The following SEC24B variants were observed in gnomAD, a reference collection of about 807,000 sequenced individuals.
SEC24B encodes the protein protein transport protein Sec24B.
In SEC24B, 45 loss-of-function variants were observed where a neutral mutation model predicts 142.8. That is an observed-to-expected ratio of 0.32 (90% confidence interval 0.25 to 0.40). The LOEUF (loss-of-function observed/expected upper bound fraction) is 0.40. Ranked by LOEUF, SEC24B falls within the 10% of genes least tolerant of loss-of-function variation. The probability of loss-of-function intolerance (pLI) is 1.00; values close to 1 mark genes in which losing one functional copy is unlikely to be tolerated. For missense variants in SEC24B, 1,409 were observed against 1,526.8 expected (o/e 0.92, Z 1.29); for synonymous variants, 574 against 568.2 (o/e 1.01, Z -0.15).
intron 2 of SEC24B, among the ~76,000 whole-genome samples, chr4:109,469,951 A>G (rs1363006998): frequency 1.3e-5 from 2 of 152,258 alleles, no homozygotes; most frequent in African/African-American, 4.8e-5. Flanking sequence ...ACCAACAACC[A>G]AAAGAAAAAT....
At position 109,476,017 on chromosome 4, in the gene SEC24B, C is replaced by T. The variant is rs1199860612; in HGVS notation, c.1060+2831C>T. On this transcript the variant is annotated intron_variant, in intron 3 of 23. Coordinates refer to ENST00000265175, the MANE Select transcript of SEC24B (RefSeq NM_006323.5). The stretch of plus-strand genomic sequence containing the variant: ...TTTTTTTTTTTTTTTGAGACAGACT[C>T]ACTCTGTCACCCAGGCTGGAGTGCA... Among the ~76,000 whole-genome samples the T allele has an allele frequency of 3.4e-5, 5 of 146,638 alleles. No individual in the cohort carries two copies. In the East Asian group the frequency reaches 1.0e-3, roughly 29 times the overall value.
Position 109,531,409 on chromosome 4 carries a change from A to T in SEC24B, c.3277A>T (p.Thr1093Ser). The T allele has an allele frequency of 1.2e-6, 2 of 1,613,492 alleles. No homozygotes were observed. The highest frequency in any genetic ancestry group is 1.7e-6 in the Non-Finnish European group (2 of 1,179,594). Reference sequence around the variant, plus strand: ...GAAAGCATTTAGAACGGGTACAAGCACACGGCTGGATGATCGTGTATATGC... The same window carrying T: ...GAAAGCATTTAGAACGGGTACAAGCTCACGGCTGGATGATCGTGTATATGC... ...KQKAFRTGTS[T>S]RLDDRVYAMC... The change falls in exon 20 of 24, where the codon ACA becomes TCA. Residue 1093 changes from threonine to serine, a missense_variant. Around this residue, in one of 2 missense-constraint regions of SEC24B, gnomAD observed 700 missense variants for 853.3 expected, o/e 0.82. Coordinates refer to ENST00000265175, the MANE Select transcript of SEC24B (RefSeq NM_006323.5).
chr4:109,511,444 T>A (rs1165171946), intron 8 of SEC24B, among the ~76,000 whole-genome samples: 1 of 152,332 alleles, frequency 6.6e-6, no homozygotes, highest in East Asian at 1.9e-4. Context: ...TAATATGTGA[T>A]CTCTTAATCT....
intron 20 of SEC24B, among the ~76,000 whole-genome samples, chr4:109,532,343 G>A (rs1186417692): frequency 6.6e-6 from 1 of 151,622 alleles, no homozygotes; most frequent in Non-Finnish European, 1.5e-5. Flanking sequence ...AAAAAAAAAA[G>A]CTGGCTATGC....
chr4:109,468,437 A>G (rs899695564), intron 2 of SEC24B, among the ~76,000 whole-genome samples: 1 of 152,214 alleles, frequency 6.6e-6, no homozygotes, highest in Admixed American at 6.5e-5. Flanking sequence ...TCTCCAGAGT[A>G]TCAGCCTCAA....
intron 1 of SEC24B, among the ~76,000 whole-genome samples, chr4:109,460,693 A>T (rs1220673086): frequency 2.6e-5 from 4 of 151,910 alleles, no homozygotes; most frequent in African/African-American, 9.7e-5. Flanking sequence ...AATACTATTT[A>T]CTTTAGAGGA....
In SEC24B at chr4:109,483,003, C is replaced by CACACACACACACACATACACACACACAT. The variant is rs1408633373; in HGVS notation, c.1165+1223_1165+1224insCACACACACACACATACACACACACATA. ...ATACACACACACACACACACACACA[C>CACACACACACACACATACACACACACAT]ATATTATACATATGTTTTTTATATA... On this transcript the variant is annotated intron_variant, in intron 4 of 23. Transcript: ENST00000265175. 7.9e-4 allele frequency among the ~76,000 whole-genome samples: 66 copies of CACACACACACACACATACACACACACAT among 84,020 alleles called. 2 individuals carry two copies. Among genetic ancestry groups the CACACACACACACACATACACACACACAT allele is most frequent in the South Asian group, 1.4e-3 (4 of 2,902 alleles). 55.1% of individuals were successfully genotyped at this position (84,020 alleles called of 152,430 possible).
chr4:109,532,347 G>C (rs546094915), intron 20 of SEC24B, among the ~76,000 whole-genome samples: 1 of 152,110 alleles, frequency 6.6e-6, no homozygotes, highest in African/African-American at 2.4e-5. Context: ...AAAAAAGCTG[G>C]CTATGCAACA....
At chr4:109,489,450 G>A (rs1019346963) in intron 4 of SEC24B, among the ~76,000 whole-genome samples, 1 of 151,446 alleles carries the variant, frequency 6.6e-6, no homozygotes, top group Non-Finnish European at 1.5e-5. Context: ...GTGGCATTTA[G>A]TACATGTACA....
At chr4:109,499,131 C>G (rs1244842100) in intron 6 of SEC24B, among the ~76,000 whole-genome samples, 1 of 152,128 alleles carries the variant, frequency 6.6e-6, no homozygotes. Flanking sequence ...GTCTGTCCTT[C>G]CAGGTTTCTT....
At chr4:109,452,835 TTTTAA>T (rs1369137927) in intron 1 of SEC24B, among the ~76,000 whole-genome samples, 5 of 152,256 alleles carry the variant, frequency 3.3e-5, no homozygotes, top group Non-Finnish European at 7.3e-5. Flanking sequence ...TGTGTTATTC[TTTTAA>T]TTTTCCTGAA....
chr4:109,504,201 A>G (rs1048794704), intron 6 of SEC24B, among the ~76,000 whole-genome samples: 87 of 152,342 alleles, frequency 5.7e-4, no homozygotes, highest in African/African-American at 1.9e-3. Flanking sequence ...GGTGGACAGC[A>G]TTTCTTACAT....
chr4:109,448,933 C>CTT (rs1196198243), intron 1 of SEC24B, among the ~76,000 whole-genome samples: 21 of 140,024 alleles, frequency 1.5e-4, no homozygotes, highest in African/African-American at 4.8e-4. Context: ...TTAGTCTTGT[C>CTT]TTTTTTTTTT....
intron 4 of SEC24B, among the ~76,000 whole-genome samples, chr4:109,482,891 C>T (rs1733870515): frequency 7.3e-6 from 1 of 136,176 alleles, no homozygotes; most frequent in Non-Finnish European, 1.6e-5. Flanking sequence ...CTCAACCTCC[C>T]AAAGTGCTGG....
intron 18 of SEC24B, among the ~76,000 whole-genome samples, chr4:109,529,593 G>A (rs935199564): frequency 2.0e-5 from 3 of 152,170 alleles, no homozygotes; most frequent in African/African-American, 4.8e-5. Context: ...AGGATCACAA[G>A]GTATAATTCA....
At chr4:109,437,532 G>A (rs932813224) in intron 1 of SEC24B, among the ~76,000 whole-genome samples, 2 of 152,038 alleles carry the variant, frequency 1.3e-5, no homozygotes, top group South Asian at 2.1e-4. Context: ...TCAAGTGATC[G>A]TCCTGGCTAG....
intron 1 of SEC24B, among the ~76,000 whole-genome samples, chr4:109,458,036 T>C (rs1405393054): frequency 1.3e-5 from 2 of 152,106 alleles, no homozygotes; most frequent in Non-Finnish European, 2.9e-5. Context: ...TTATTACAAG[T>C]GTTAGACTGC....
intron 4 of SEC24B, among the ~76,000 whole-genome samples, chr4:109,483,934 A>G (rs750577304): frequency 6.6e-5 from 10 of 152,224 alleles, no homozygotes; most frequent in Non-Finnish European, 1.3e-4. Context: ...ACCATTTGCA[A>G]GTAAATTGGA....
chr4:109,461,955 A>G (rs1269813842), intron 1 of SEC24B, among the ~76,000 whole-genome samples: 1 of 151,764 alleles, frequency 6.6e-6, no homozygotes, highest in Admixed American at 6.6e-5. Flanking sequence ...AAGAAAATAA[A>G]TTTAGAAACA....
Sources: allele counts gnomAD v4.1 joint callset (sites outside exome capture counted in the v4.1 genomes callset), GRCh38; gene constraint gnomAD v4.1.1; regional missense constraint gnomAD v4.1.1; transcripts MANE v1.5; gene names NCBI Gene and HGNC (gene_info 2026-07-23, HGNC 2026-07-21).